The following SLC6A3 variants were observed in gnomAD, a reference collection of about 807,000 sequenced individuals.
The protein encoded by SLC6A3 is sodium-dependent dopamine transporter.
A neutral mutation model predicts 70.4 loss-of-function variants in SLC6A3; 19 were observed. That is an observed-to-expected ratio of 0.27 (90% confidence interval 0.19 to 0.40). SLC6A3 has a LOEUF of 0.40. Among genes scored for constraint, SLC6A3 ranks in the 10% least tolerant of loss-of-function variants. The pLI is 1.00. For synonymous variants in SLC6A3, 368 were observed against 356.6 expected (o/e 1.03, Z -0.36); for missense variants, 613 against 838.5 (o/e 0.73, Z 3.32).
At chr5:1,403,654 A>G (rs1755905045) in intron 12 of SLC6A3, among the ~76,000 whole-genome samples, 1 of 151,966 alleles carries the variant, frequency 6.6e-6, no homozygotes, top group Admixed American at 6.6e-5. Flanking sequence ...ATGATCATCC[A>G]TGGCCTGAAG....
At chr5:1,422,253 G>A (rs1011485756) in intron 4 of SLC6A3, among the ~76,000 whole-genome samples, 3 of 152,250 alleles carry the variant, frequency 2.0e-5, no homozygotes, top group African/African-American at 7.2e-5. Flanking sequence ...CTCACCATCT[G>A]CCCTTGGCAC....
intron 14 of SLC6A3, among the ~76,000 whole-genome samples, chr5:1,398,599 G>A (rs1027620399): frequency 6.6e-6 from 1 of 152,172 alleles, no homozygotes; most frequent in Non-Finnish European, 1.5e-5. Flanking sequence ...AAAATTCTAG[G>A]TGTATGCTGG....
intron 8 of SLC6A3, among the ~76,000 whole-genome samples, 195 bp downstream of exon 8, chr5:1,414,496 G>GTGGAGAAGGCACTGGGTGGGGGGC: frequency 2.7e-5 from 4 of 149,878 alleles, no homozygotes; most frequent in African/African-American, 9.9e-5. Flanking sequence ...GAGGGTCAGG[G>GTGGAGAAGGCACTGGGTGGGGGGC]CGGGGAAGGC....
chr5:1,411,441 C>G lies in SLC6A3; in HGVS notation c.1157-86G>C, dbSNP rs1036715214. 1.0e-6 allele frequency: 1 copy of G among 986,072 alleles called. No homozygotes were observed. Among genetic ancestry groups the G allele is most frequent in the Admixed American group, 2.0e-5 (1 of 50,308 alleles). 61.1% of individuals were successfully genotyped at this position (986,072 alleles called of 1,614,324 possible). On this transcript the variant is annotated intron_variant, in intron 8 of 14. Coordinates refer to ENST00000270349, the MANE Select transcript of SLC6A3 (RefSeq NM_001044.5). This position sits in a 1 kb window ranked among gnomAD's most constrained non-coding sequence, Gnocchi z 6.5. ...CCCCACCCCGCCCCGAGAAGCATGGCCTGCCACAGGCCTGTAGAGACTAGG... is the reference window on the plus strand; with the variant it reads ...CCCCACCCCGCCCCGAGAAGCATGGGCTGCCACAGGCCTGTAGAGACTAGG...
At chr5:1,425,449 T>C (rs766177852) in intron 4 of SLC6A3, among the ~76,000 whole-genome samples, 20 of 152,216 alleles carry the variant, frequency 1.3e-4, no homozygotes, top group Non-Finnish European at 2.6e-4. Context: ...AAAAAATTAC[T>C]AGACATGACA....
chr5:1,430,797 C>CTCACCTCCCGCCTGGCTGTTCCTA (rs3834250), intron 4 of SLC6A3, among the ~76,000 whole-genome samples: 149,494 of 152,056 alleles, frequency 0.98, 73,592 homozygotes, highest in African/African-American at 1. Flanking sequence ...GGCTTCTCTG[C>CTCACCTCCCGCCTGGCTGTTCCTA]TCACCGTGAC....
chr5:1,409,785 C>T lies in SLC6A3; in HGVS notation c.1334G>A (p.Arg445His). Residue 445 changes from arginine to histidine, a missense_variant, in exon 10 of 15, where the codon CGT (arginine) becomes CAT (histidine). Arg to His is a conservative substitution (Grantham distance 29). This residue lies in a region of SLC6A3 where 348 missense variants were observed against 481.2 expected (regional missense o/e 0.72). Transcript: ENST00000270349. ...IDEFQLLHRH[R>H]ELFTLFIVLA... ...GACGATGAAGAGCGTGAAGAGCTCACGGTGTCTGTGCAGCAGCTGGAACTC... is the reference window on the plus strand; with the variant it reads ...GACGATGAAGAGCGTGAAGAGCTCATGGTGTCTGTGCAGCAGCTGGAACTC... 4 of 1,613,342 alleles carry T rather than the reference C, an allele frequency of 2.5e-6. No homozygotes were observed. Among genetic ancestry groups the T allele is most frequent in the Non-Finnish European group, 3.4e-6 (4 of 1,179,916 alleles).
chr5:1,428,407 G>A (rs989211656), intron 4 of SLC6A3, among the ~76,000 whole-genome samples: 2 of 152,144 alleles, frequency 1.3e-5, no homozygotes, highest in African/African-American at 2.4e-5. Context: ...AGGCAGTGTC[G>A]ATAAGTATTT....
In SLC6A3 at chr5:1,406,153, G is replaced by A. The variant is rs778064985; in HGVS notation, c.1599+35C>T. 6.7e-7 allele frequency: 1 copy of A among 1,499,950 alleles called. No homozygotes were observed. Among genetic ancestry groups the A allele is most frequent in the Admixed American group, 1.7e-5 (1 of 59,896 alleles). 92.9% of individuals were successfully genotyped at this position (1,499,950 alleles called of 1,614,324 possible). A position where few individuals can be genotyped will look rare whatever the true frequency, so the allele number is the denominator to read the frequency against. On this transcript the variant is annotated intron_variant, in intron 12 of 14. Coordinates refer to ENST00000270349, the MANE Select transcript of SLC6A3 (RefSeq NM_001044.5). This position sits in a 1 kb window ranked among gnomAD's most constrained non-coding sequence, Gnocchi z 8.8. ...GGTGCCAGAGTGGGGGCAGTGGGCA[G>A]ACGGGGGAAGGGCAGGTGGCCCGAG...
intron 1 of SLC6A3, among the ~76,000 whole-genome samples, chr5:1,444,154 G>C (rs934959872): frequency 2.0e-5 from 3 of 152,324 alleles, no homozygotes; most frequent in African/African-American, 7.2e-5. Context: ...CCGCGTGAGA[G>C]AGCTGGGCGG....
chr5:1,431,594 C>T (rs866608705), intron 4 of SLC6A3, among the ~76,000 whole-genome samples: 9 of 138,890 alleles, frequency 6.5e-5, no homozygotes, highest in Middle Eastern at 4.5e-3. Flanking sequence ...CCGGGGTGGA[C>T]CATGAGGGGC....
rs902660232 is a variant in SLC6A3 at position 1,424,153 on chromosome 5, G to A, written c.654-2139C>T. Among the ~76,000 whole-genome samples the A allele has an allele frequency of 3.3e-5, 5 of 152,236 alleles. No individual in the cohort carries two copies. The East Asian group carries it at 5.8e-4, about 18-fold the overall frequency. ...GGTTGGCACAGGCCCCAGGTTGGCC[G>A]GGTGGGCAGATGGCTGCACCACTGA... On this transcript the variant is annotated intron_variant, in intron 4 of 14. Coordinates refer to ENST00000270349, the MANE Select transcript of SLC6A3 (RefSeq NM_001044.5).
intron 6 of SLC6A3, 55 bp downstream of exon 6, chr5:1,420,514 C>G (rs1340851066): frequency 1.4e-5 from 22 of 1,608,138 alleles, no homozygotes; most frequent in Non-Finnish European, 1.7e-5. Context: ...CATATGGAAA[C>G]CTGGGAATGC....
intron 6 of SLC6A3, among the ~76,000 whole-genome samples, chr5:1,418,400 AATCATCTATCTATCT>A (rs1484907412): frequency 6.6e-6 from 1 of 152,078 alleles, no homozygotes; most frequent in East Asian, 1.9e-4. Context: ...TCTATCAATC[AATCATCTATCTATCT>A]ATCATCTATC....
chr5:1,416,570 G>GCGA, intron 6 of SLC6A3: 5 of 272,654 alleles, frequency 1.8e-5, no homozygotes, highest in South Asian at 4.7e-5. Context: ...GAACAGCACG[G>GCGA]CCTCATCTAC....
At chr5:1,431,256 G>A (rs1325232349) in intron 4 of SLC6A3, among the ~76,000 whole-genome samples, 3 of 152,250 alleles carry the variant, frequency 2.0e-5, no homozygotes, top group Non-Finnish European at 4.4e-5. Context: ...CTTCCAGGCT[G>A]GGCCAGGCCA....
At position 1,402,783 on chromosome 5, in the gene SLC6A3, C is replaced by G; in HGVS notation, c.1767+139G>C. ...GGACACACACACGCACACACACACA[C>G]AGTGTTGTGGTGGCCACCTCCAGTC... On this transcript the variant is annotated intron_variant, in intron 13 of 14. Transcript: ENST00000270349. This position sits in a 1 kb window ranked among gnomAD's most constrained non-coding sequence, Gnocchi z 8.5. The G allele has an allele frequency of 1.2e-6, 1 of 840,592 alleles. No homozygotes were observed. The highest frequency in any genetic ancestry group is 2.0e-6 in the Non-Finnish European group (1 of 506,528). The allele number at this position is 840,592 out of a possible 1,614,324, so 52.1% of individuals were successfully genotyped here.
rs1043839634 is a variant in SLC6A3 at position 1,397,745 on chromosome 5, G to A, written c.1840-2987C>T. On this transcript the variant is annotated intron_variant, in intron 14 of 14. Coordinates refer to ENST00000270349, the MANE Select transcript of SLC6A3 (RefSeq NM_001044.5). The surrounding 1 kb of genome is among the most constrained non-coding windows in gnomAD (Gnocchi z 4.7). The stretch of plus-strand genomic sequence containing the variant: ...TAGCAAGAGACCTCCTCAAAGGAAT[G>A]TCTGAAGGATGCTTTTTGAAAAGCA... Among the ~76,000 whole-genome samples, 3 of 152,240 alleles carry A rather than the reference G, an allele frequency of 2.0e-5. No individual in the cohort carries two copies. Among genetic ancestry groups the A allele is most frequent in the Non-Finnish European group, 4.4e-5 (3 of 68,034 alleles).
intron 3 of SLC6A3, among the ~76,000 whole-genome samples, chr5:1,441,019 A>G (rs147172741): frequency 3.3e-5 from 5 of 152,372 alleles, no homozygotes; most frequent in Admixed American, 2.0e-4. Flanking sequence ...GATAATGGAT[A>G]GATAGATAAC....
Sources: gnomAD v4.1 joint callset for allele counts (sites outside exome capture counted in the v4.1 genomes callset) on GRCh38, gnomAD v4.1.1 for gene constraint, gnomAD v4.1.1 regional missense constraint, Gnocchi (gnomAD v3.1) non-coding constraint, MANE v1.5 for transcripts, NCBI Gene and HGNC (gene_info 2026-07-23, HGNC 2026-07-21) for gene names.